The following GPC3 variants were observed in gnomAD, a reference collection of about 807,000 sequenced individuals.
The protein encoded by GPC3 is glypican-3.
GPC3 carries 3 observed loss-of-function variants against 34.4 expected under a neutral mutation model. The ratio of observed to expected loss-of-function variants is 0.09; its 90% CI spans 0.04 to 0.23. GPC3 has a LOEUF of 0.23. Among genes scored for constraint, GPC3 ranks in the 10% least tolerant of loss-of-function variants. The probability of loss-of-function intolerance (pLI) is 1.00; values close to 1 mark genes in which losing one functional copy is unlikely to be tolerated. For missense variants in GPC3, 351 were observed against 445.6 expected (o/e 0.79, Z 1.91); for synonymous variants, 177 against 174.0 (o/e 1.02, Z -0.13).
chrX:133,779,839 C>A, intron 2 of GPC3, among the ~76,000 whole-genome samples: 1 of 111,446 alleles, frequency 9.0e-6, no homozygotes, highest in Middle Eastern at 4.7e-3. Context: ...ATCCCCACCC[C>A]CAAGCCATTG....
intron 2 of GPC3, among the ~76,000 whole-genome samples, chrX:133,897,205 C>CTTTTTTT (rs760491025): frequency 1.2e-5 from 1 of 82,652 alleles, no homozygotes; most frequent in Non-Finnish European, 2.2e-5. Flanking sequence ...CGTGCCCGGC[C>CTTTTTTT]TTTTTTTTTT....
intron 7 of GPC3, among the ~76,000 whole-genome samples, chrX:133,589,888 G>T (rs1002415730): frequency 1.1e-3 from 124 of 111,667 alleles, no homozygotes; most frequent in African/African-American, 3.7e-3. Flanking sequence ...GAGAGATGAA[G>T]TATCCCACTG....
Position 133,753,944 on chromosome X carries a change from T to C in GPC3, c.570A>G (p.Ser190=), listed in dbSNP as rs1932668899. 8.3e-7 allele frequency: 1 copy of C among 1,209,377 alleles called. No individual in the cohort carries two copies. Among genetic ancestry groups the C allele is most frequent in the African/African-American group, 1.7e-5 (1 of 57,180 alleles). Residue 190 remains serine (S), a synonymous_variant, in exon 3 of 8, where the codon TCA becomes TCG. Transcript: ENST00000370818. ...GGAGGCACTCATTGATGTCCAAGGC[T>C]GAATCAGGCAGGCCTGGGTTCATTA... is the stretch of plus-strand genomic sequence containing the variant. The part of the protein sequence containing the change: ...TQLMNPGLPD[S]ALDINECLRG...
intron 1 of GPC3, among the ~76,000 whole-genome samples, chrX:133,974,299 C>T (rs2076506130): frequency 8.9e-6 from 1 of 112,328 alleles, no homozygotes. Flanking sequence ...GTCCTCCCAC[C>T]TTAGCCTTCA....
At chrX:133,914,171 G>C (rs992627970) in intron 2 of GPC3, among the ~76,000 whole-genome samples, 1 of 111,130 alleles carries the variant, frequency 9.0e-6, no homozygotes, top group Non-Finnish European at 1.9e-5. Context: ...GATTCACTAG[G>C]GTAAACATGT....
chrX:133,699,735 CT>C (rs986328099), intron 4 of GPC3, among the ~76,000 whole-genome samples, 159 bp downstream of exon 4: 1 of 112,024 alleles, frequency 8.9e-6, no homozygotes, highest in African/African-American at 3.2e-5. Context: ...ATAATACCAT[CT>C]TTTTTTAAAC....
At chrX:133,614,034 T>C (rs1022321165) in intron 6 of GPC3, among the ~76,000 whole-genome samples, 7 of 110,647 alleles carry the variant, frequency 6.3e-5, no homozygotes, top group African/African-American at 1.6e-4. Flanking sequence ...TCAGGGAATA[T>C]GAAGCTTCAT....
At chrX:133,906,268 G>A (rs2076167372) in intron 2 of GPC3, among the ~76,000 whole-genome samples, 1 of 112,071 alleles carries the variant, frequency 8.9e-6, no homozygotes. Flanking sequence ...GGGAGGATAG[G>A]CTGCATTAAT....
chrX:133,827,739 C>T (rs1200249356), intron 2 of GPC3, among the ~76,000 whole-genome samples: 1 of 109,110 alleles, frequency 9.2e-6, no homozygotes, highest in Non-Finnish European at 1.9e-5. Flanking sequence ...GCCGAGATCA[C>T]GCCACTGCAC....
chrX:133,757,715 G>C (rs2071740542), intron 2 of GPC3, among the ~76,000 whole-genome samples: 1 of 111,068 alleles, frequency 9.0e-6, no homozygotes, highest in African/African-American at 3.3e-5. Flanking sequence ...CTGTAAGAAT[G>C]GCAAATACTT....
intron 2 of GPC3, among the ~76,000 whole-genome samples, chrX:133,815,872 T>A (rs1331657309): frequency 3.6e-5 from 4 of 111,358 alleles, no homozygotes; most frequent in African/African-American, 1.3e-4. Context: ...GTTTTCATCT[T>A]GAAAACTATA....
rs972406803 is a variant in GPC3 at position 133,659,801 on chromosome X, T to C, written c.1413+1929A>G. ...GAAACTGAGATTTTGGCCTCACCAG[T>C]GTTGGGGTCTAACCAGTTGAACATA... is the stretch of plus-strand genomic sequence containing the variant. On this transcript the variant is annotated intron_variant, in intron 6 of 7. Transcript: ENST00000370818. 2.7e-5 allele frequency among the ~76,000 whole-genome samples: 3 copies of C among 111,886 alleles called. No homozygotes were observed. The Admixed American group carries it at 2.9e-4, about 11-fold the overall frequency.
Position 133,983,395 on chromosome X carries a change from G to A in GPC3, c.175+1880C>T, listed in dbSNP as rs369685499. Among the ~76,000 whole-genome samples, 13 of 112,301 alleles carry A rather than the reference G, an allele frequency of 1.2e-4. No individual in the cohort carries two copies. In the East Asian group the frequency reaches 3.6e-3, roughly 32 times the overall value. On this transcript the variant is annotated intron_variant, in intron 1 of 7. Transcript: ENST00000370818. Reference sequence around the variant, plus strand: ...GCCTCAAGGGAGGGAAGGAGCCCAGGCCAAATCTCATACACACAGCGTGTG... The same window carrying A: ...GCCTCAAGGGAGGGAAGGAGCCCAGACCAAATCTCATACACACAGCGTGTG...
At chrX:133,642,877 C>A (rs1044852292) in intron 6 of GPC3, among the ~76,000 whole-genome samples, 5 of 109,710 alleles carry the variant, frequency 4.6e-5, no homozygotes, top group Admixed American at 9.7e-5. Flanking sequence ...AATTTAAGTT[C>A]TAGAATACTG....
intron 1 of GPC3, among the ~76,000 whole-genome samples, chrX:133,962,141 G>A (rs1031647472): frequency 8.9e-6 from 1 of 111,852 alleles, no homozygotes; most frequent in Admixed American, 9.5e-5. Context: ...ATGACTACTC[G>A]TTATCTTTGG....
intron 7 of GPC3, among the ~76,000 whole-genome samples, chrX:133,587,562 A>G (rs2069802172): frequency 8.9e-6 from 1 of 112,196 alleles, no homozygotes; most frequent in South Asian, 3.7e-4. Flanking sequence ...TATTGCCACC[A>G]ACAGTGTATA....
intron 7 of GPC3, among the ~76,000 whole-genome samples, chrX:133,555,559 GGCTCAA>G (rs2069480464): frequency 8.9e-6 from 1 of 111,903 alleles, no homozygotes; most frequent in Non-Finnish European, 1.9e-5. Context: ...TGGGTGTGGT[GGCTCAA>G]GCCTGTAATC....
In GPC3 at chrX:133,638,745, T is replaced by TACA. The variant is rs1280806736; in HGVS notation, c.1413+22984_1413+22985insTGT. Among the ~76,000 whole-genome samples, 11 of 108,381 alleles carry TACA rather than the reference T, an allele frequency of 1.0e-4. No individual in the cohort carries two copies. In the East Asian group the frequency reaches 2.9e-3, roughly 28 times the overall value. The allele number at this position is 108,381 out of a possible 115,157, so 94.1% of individuals were successfully genotyped here. On this transcript the variant is annotated intron_variant, in intron 6 of 7. Coordinates refer to ENST00000370818, the MANE Select transcript of GPC3 (RefSeq NM_004484.4). The stretch of plus-strand genomic sequence containing the variant: ...ATCAGGGGTGTACAATCTTTTGGCT[T>TACA]CCCTGGGCCACACTGGAAGAAGAAT...
At chrX:133,706,066 TTCTGATG>T (rs1445903128) in intron 3 of GPC3, among the ~76,000 whole-genome samples, 1 of 111,905 alleles carries the variant, frequency 8.9e-6, no homozygotes, top group African/African-American at 3.3e-5. Flanking sequence ...TTTAAAAAAA[TTCTGATG>T]TCTAACCATC....
Sources: gnomAD v4.1 joint callset for allele counts (sites outside exome capture counted in the v4.1 genomes callset) on GRCh38, gnomAD v4.1.1 for gene constraint, MANE v1.5 for transcripts, NCBI Gene and HGNC (gene_info 2026-07-23, HGNC 2026-07-21) for gene names.